The following ADAM10 variants were observed in gnomAD, a reference collection of about 807,000 sequenced individuals.
The protein encoded by ADAM10 is ADAM metallopeptidase domain 10.
ADAM10 carries 17 observed loss-of-function variants against 90.1 expected under a neutral mutation model. The ratio of observed to expected loss-of-function variants is 0.19; its 90% confidence interval spans 0.13 to 0.28. The LOEUF is 0.28. Among genes scored for constraint, ADAM10 ranks in the 10% least tolerant of loss-of-function variants. The pLI is 1.00. For missense variants in ADAM10, 610 were observed against 914.3 expected (o/e 0.67, Z 4.29); for synonymous variants, 310 against 298.6 (o/e 1.04, Z -0.40).
In ADAM10 at chr15:58,697,113, G is replaced by A. The variant is rs545134508; in HGVS notation, c.207-14799C>T. 1.9e-4 allele frequency among the ~76,000 whole-genome samples: 29 copies of A among 152,268 alleles called. 1 individual carries two copies. In the South Asian group the frequency reaches 5.6e-3, roughly 29 times the overall value. On this transcript the variant is annotated intron_variant, in intron 2 of 15. Transcript: ENST00000260408. ...GCCCCAAGGAGGCCTAAGTTAGACTGTAAGACTCCCACCACCCAAAGCCAC... is the reference window on the plus strand; with the variant it reads ...GCCCCAAGGAGGCCTAAGTTAGACTATAAGACTCCCACCACCCAAAGCCAC...
intron 6 of ADAM10, among the ~76,000 whole-genome samples, chr15:58,645,610 C>T (rs1307340385): frequency 1.3e-5 from 2 of 151,968 alleles, no homozygotes; most frequent in Admixed American, 1.3e-4. Flanking sequence ...ACCTTCCACA[C>T]GAAGGACATT....
chr15:58,671,123 T>G (rs1227637208), intron 4 of ADAM10, among the ~76,000 whole-genome samples: 1 of 152,214 alleles, frequency 6.6e-6, no homozygotes, highest in African/African-American at 2.4e-5. Context: ...ACTTGTATGA[T>G]CTTGAGCAAA....
chr15:58,678,929 G>A (rs1215834290), intron 4 of ADAM10, among the ~76,000 whole-genome samples, 195 bp downstream of exon 4: 1 of 152,132 alleles, frequency 6.6e-6, no homozygotes. Flanking sequence ...AAGTAGTACT[G>A]GCAATGGACT....
chr15:58,721,036 G>C (rs1466123352), intron 1 of ADAM10, among the ~76,000 whole-genome samples: 1 of 152,174 alleles, frequency 6.6e-6, no homozygotes, highest in Non-Finnish European at 1.5e-5. Flanking sequence ...AAGTTTTTAA[G>C]TCGCAGTTCA....
At chr15:58,734,231 G>A (rs1200833585) in intron 1 of ADAM10, among the ~76,000 whole-genome samples, 2 of 152,030 alleles carry the variant, frequency 1.3e-5, no homozygotes, top group African/African-American at 4.8e-5. Flanking sequence ...TAATTAAAAT[G>A]TATCAAGCAC....
At chr15:58,666,071 T>C (rs1897077418) in intron 4 of ADAM10, among the ~76,000 whole-genome samples, 1 of 151,702 alleles carries the variant, frequency 6.6e-6, no homozygotes, top group African/African-American at 2.4e-5. Context: ...CCACCACTTA[T>C]CTTTTCAGCA....
At chr15:58,693,743 T>C (rs1260951178) in intron 2 of ADAM10, among the ~76,000 whole-genome samples, 1 of 142,140 alleles carries the variant, frequency 7.0e-6, no homozygotes, top group African/African-American at 2.7e-5. Context: ...ATTCAAAACT[T>C]CCGCTGAGAA....
intron 2 of ADAM10, among the ~76,000 whole-genome samples, chr15:58,713,358 A>G (rs1234534817): frequency 6.6e-6 from 1 of 152,142 alleles, no homozygotes; most frequent in African/African-American, 2.4e-5. Flanking sequence ...CTTTCACCTC[A>G]GCCTCCCAAA....
chr15:58,743,624 G>C (rs1249946890), intron 1 of ADAM10, among the ~76,000 whole-genome samples: 1 of 148,064 alleles, frequency 6.8e-6, no homozygotes, highest in Non-Finnish European at 1.5e-5. Context: ...TTTTTTTTGA[G>C]ACGGAGTTTC....
intron 3 of ADAM10, among the ~76,000 whole-genome samples, chr15:58,680,232 C>G (rs966522411): frequency 2.4e-4 from 36 of 152,136 alleles, no homozygotes; most frequent in African/African-American, 8.4e-4. Flanking sequence ...AGGCACTCCT[C>G]CCACCTCCGC....
chr15:58,617,159 C>T (rs548870961), intron 11 of ADAM10, among the ~76,000 whole-genome samples: 1 of 151,832 alleles, frequency 6.6e-6, no homozygotes, highest in East Asian at 1.9e-4. Context: ...ACAAAATGAA[C>T]AGTTGGTTTC....
intron 2 of ADAM10, among the ~76,000 whole-genome samples, chr15:58,690,465 A>T (rs1897747005): frequency 6.6e-6 from 1 of 152,198 alleles, no homozygotes; most frequent in Non-Finnish European, 1.5e-5. Context: ...GTGTTGTTTT[A>T]CTGTATAAAA....
chr15:58,610,144 T>C (rs1245340406), intron 14 of ADAM10, 153 bp downstream of exon 14: 1 of 730,032 alleles, frequency 1.4e-6, no homozygotes, highest in Admixed American at 2.1e-5. Context: ...AAGGAAATAA[T>C]AACCAGAAAT....
chr15:58,738,247 C>A (rs1427835776), intron 1 of ADAM10, among the ~76,000 whole-genome samples: 2 of 152,194 alleles, frequency 1.3e-5, no homozygotes, highest in African/African-American at 4.8e-5. Context: ...AGGCATCATA[C>A]TGTGTTGACC....
At chr15:58,601,965 T>G (rs1895123497) in intron 14 of ADAM10, among the ~76,000 whole-genome samples, 1 of 152,222 alleles carries the variant, frequency 6.6e-6, no homozygotes, top group Non-Finnish European at 1.5e-5. Context: ...ATTTCATTAC[T>G]GCTGATGTTA....
Position 58,688,786 on chromosome 15 carries a change from A to ATATATCTC in ADAM10, c.207-6473_207-6472insGAGATATA. Among the ~76,000 whole-genome samples, 378 of 122,348 alleles carry ATATATCTC rather than the reference A, an allele frequency of 3.1e-3. 5 individuals are homozygous for ATATATCTC. The highest frequency in any genetic ancestry group is 0.013 in the African/African-American group (354 of 27,812). 80.3% of individuals were successfully genotyped at this position (122,348 alleles called of 152,430 possible). On this transcript the variant is annotated intron_variant, in intron 2 of 15. Coordinates refer to ENST00000260408, the MANE Select transcript of ADAM10 (RefSeq NM_001110.4). ...AAAAATTATATATATATATATATAT[A>ATATATCTC]TCTCTCTCTCTCACTGGACTGACTT... is the stretch of plus-strand genomic sequence containing the variant.
At chr15:58,658,248 C>T (rs576127259) in intron 5 of ADAM10, among the ~76,000 whole-genome samples, 2 of 151,964 alleles carry the variant, frequency 1.3e-5, no homozygotes, top group East Asian at 3.9e-4. Context: ...TCCAATTGTT[C>T]CAGTACCATT....
At chr15:58,713,103 G>A (rs1380069678) in intron 2 of ADAM10, among the ~76,000 whole-genome samples, 12 of 152,044 alleles carry the variant, frequency 7.9e-5, no homozygotes, top group Non-Finnish European at 1.5e-4. Flanking sequence ...TTTTGTTGGT[G>A]GTGTTTTGTT....
At chr15:58,719,841 G>A (rs1027807557) in intron 1 of ADAM10, among the ~76,000 whole-genome samples, 5 of 152,160 alleles carry the variant, frequency 3.3e-5, no homozygotes, top group Admixed American at 3.3e-4. Context: ...AACTAGAGTA[G>A]CTCTCTCTTA....
Sources: allele counts gnomAD v4.1 joint callset (sites outside exome capture counted in the v4.1 genomes callset), GRCh38; gene constraint gnomAD v4.1.1; transcripts MANE v1.5; gene names NCBI Gene and HGNC (gene_info 2026-07-23, HGNC 2026-07-21).